Variants in NPAS1 observed in about 807,000 individuals in gnomAD.
NPAS1 encodes neuronal PAS domain protein 1.
A neutral mutation model predicts 49.2 loss-of-function variants in NPAS1; 29 were observed. The observed-to-expected ratio is 0.59, with a 90% CI of 0.44 to 0.80. NPAS1 has a LOEUF of 0.80. NPAS1 is among the 30% of genes least tolerant of loss of function. The pLI, the probability that NPAS1 is intolerant of heterozygous loss-of-function variation, is 0.00. For synonymous variants in NPAS1, 408 were observed against 380.4 expected (o/e 1.07, Z -0.84); for missense variants, 825 against 835.5 (o/e 0.99, Z 0.15).
chr19:47,025,076 G>T (rs533732716), intron 3 of NPAS1, among the ~76,000 whole-genome samples: 1 of 135,534 alleles, frequency 7.4e-6, no homozygotes. Context: ...GATTGCAGGC[G>T]TGAGGCGCCG....
intron 11 of NPAS1, among the ~76,000 whole-genome samples, chr19:47,043,405 A>T (rs1283887417): frequency 2.0e-5 from 3 of 151,770 alleles, no homozygotes. Flanking sequence ...CTGGCTAATA[A>T]GGTGAAACCC....
intron 3 of NPAS1, among the ~76,000 whole-genome samples, chr19:47,031,193 GTTT>G (rs780068160): frequency 2.1e-5 from 3 of 142,514 alleles, no homozygotes; most frequent in Non-Finnish European, 1.5e-5. Context: ...GTGTGTGTGT[GTTT>G]TTTTTTTTTT....
intron 3 of NPAS1, among the ~76,000 whole-genome samples, chr19:47,030,253 A>C (rs1019786987): frequency 6.6e-6 from 1 of 151,840 alleles, no homozygotes; most frequent in Non-Finnish European, 1.5e-5. Context: ...CAAACTCCTG[A>C]CCTTGTGATC....
rs139868234 is a variant in NPAS1, at chr19:47,042,888, G to C, written c.1296G>C (p.Pro432=). The change falls in exon 11 of 12, where the codon CCG becomes CCC. Residue 432 remains proline (P), a synonymous_variant. Coordinates refer to ENST00000602212, the MANE Select transcript of NPAS1 (RefSeq NM_002517.4). ...ASVACEEASS[P]GPEPTEPEPP... ...TGGCCTGTGAGGAGGCATCCAGCCC[G>C]GGGCCAGAGCCCACAGGTGAGCCCC... The C allele has an allele frequency of 2.5e-6, 4 of 1,601,010 alleles. No homozygotes were observed. In the African/African-American group the frequency reaches 5.4e-5, roughly 22 times the overall value.
chr19:47,036,607 C>CA (rs2056958991), intron 6 of NPAS1, among the ~76,000 whole-genome samples: 1 of 150,916 alleles, frequency 6.6e-6, no homozygotes, highest in African/African-American at 2.4e-5. Flanking sequence ...AGTGGTGGCA[C>CA]AAAGCTGTAG....
intron 6 of NPAS1, among the ~76,000 whole-genome samples, chr19:47,037,246 G>A (rs1458368013): frequency 6.9e-6 from 1 of 144,832 alleles, no homozygotes; most frequent in African/African-American, 2.6e-5. Context: ...AGATACTCAG[G>A]ATGCTGAGGC....
At chr19:47,039,264 G>C in intron 7 of NPAS1, 113 bp downstream of exon 7, 1 of 1,464,828 alleles carries the variant, frequency 6.8e-7, no homozygotes, top group Non-Finnish European at 9.3e-7. Flanking sequence ...TAGGGAACTG[G>C]GTCTGGGAAT....
At chr19:47,043,034 C>T (rs2057038553) in intron 11 of NPAS1, 130 bp downstream of exon 11, 11 of 627,656 alleles carry the variant, frequency 1.8e-5, no homozygotes, top group Non-Finnish European at 2.7e-5. Flanking sequence ...CAGGCCGGTG[C>T]GGTGGCTCAC....
intron 6 of NPAS1, among the ~76,000 whole-genome samples, chr19:47,038,745 T>G (rs944211605): frequency 1.3e-5 from 2 of 152,052 alleles, no homozygotes; most frequent in Admixed American, 1.3e-4. Flanking sequence ...AAGAATCACT[T>G]GAACCCAGGA....
rs201933015 is a variant in NPAS1 at position 47,032,357 on chromosome 19, T to C, written c.432+6T>C. On this transcript the variant is annotated splice_donor_region_variant and intron_variant, in intron 4 of 11. Coordinates refer to ENST00000602212, the MANE Select transcript of NPAS1 (RefSeq NM_002517.4). ...TGGGAGGTCACATCTTGCAGGTGAG[T>C]GAGGCCCCTTCCCTGCCTGCCGCTC... is the stretch of plus-strand genomic sequence containing the variant. 6.2e-6 allele frequency: 10 copies of C among 1,613,668 alleles called. No individual in the cohort carries two copies. In the South Asian group the frequency reaches 1.1e-4, roughly 18 times the overall value.
intron 6 of NPAS1, 94 bp downstream of exon 6, chr19:47,036,223 C>A: frequency 7.7e-7 from 1 of 1,304,024 alleles, no homozygotes; most frequent in Non-Finnish European, 1.1e-6. Context: ...ATACAAATAG[C>A]AGTGAAGTTA....
intron 10 of NPAS1, among the ~76,000 whole-genome samples, chr19:47,041,619 C>T (rs1358008697): frequency 6.6e-6 from 1 of 152,112 alleles, no homozygotes; most frequent in East Asian, 1.9e-4. Context: ...GGCTCAGGGG[C>T]ACTGGGGAGT....
At chr19:47,035,087 G>T (rs1371579551) in intron 5 of NPAS1, among the ~76,000 whole-genome samples, 1 of 147,158 alleles carries the variant, frequency 6.8e-6, no homozygotes, top group East Asian at 2.0e-4. Flanking sequence ...AGGCCGAGGC[G>T]GGAGAATTGC....
intron 8 of NPAS1, 51 bp downstream of exon 8, chr19:47,039,615 T>G: frequency 2.0e-6 from 3 of 1,506,862 alleles, no homozygotes; most frequent in South Asian, 1.3e-5. Flanking sequence ...AATGGAGATC[T>G]GGGGGTACAT....
At position 47,039,406 on chromosome 19, in the gene NPAS1, G is replaced by T. The variant is rs1330128564; in HGVS notation, c.805-1G>T. ...CCTCCAACCATGCCCACCACCAGCA[G>T]GTCATCCACGTGACTGGGCGCCTTC... On this transcript the variant is annotated splice_acceptor_variant, in intron 7 of 11. Transcript: ENST00000602212. LOFTEE classifies it high-confidence loss of function. The T allele has an allele frequency of 6.2e-7, 1 of 1,611,732 alleles. No homozygotes were observed. The highest frequency in any genetic ancestry group is 8.5e-7 in the Non-Finnish European group (1 of 1,179,854).
At position 47,031,876 on chromosome 19, in the gene NPAS1, G is replaced by C. The variant is rs569894809; in HGVS notation, c.359-402G>C. Among the ~76,000 whole-genome samples, 9 of 152,250 alleles carry C rather than the reference G, an allele frequency of 5.9e-5. 1 individual carries two copies. In the East Asian group the frequency reaches 1.5e-3, roughly 26 times the overall value. On this transcript the variant is annotated intron_variant, in intron 3 of 11. Coordinates refer to ENST00000602212, the MANE Select transcript of NPAS1 (RefSeq NM_002517.4). ...TTTTATGGGATCCCTAAGCAGAGAT[G>C]TTAGTTTCTTGCTTGCTGTTCAACT...
chr19:47,038,817 T>C (rs1599915574), intron 6 of NPAS1, among the ~76,000 whole-genome samples: 1 of 151,676 alleles, frequency 6.6e-6, no homozygotes, highest in South Asian at 2.1e-4. Context: ...CAGAGTGATA[T>C]TCAGTCTCAA....
chr19:47,023,910 T>G (rs970184525), intron 3 of NPAS1, among the ~76,000 whole-genome samples: 2 of 151,846 alleles, frequency 1.3e-5, no homozygotes, highest in Non-Finnish European at 2.9e-5. Flanking sequence ...TTCGAGACCA[T>G]CCTGGCCAAC....
chr19:47,045,727 A>G lies in NPAS1; in HGVS notation c.*76A>G. The G allele has an allele frequency of 8.0e-7, 1 of 1,248,504 alleles. No homozygotes were observed. Among genetic ancestry groups the G allele is most frequent in the Non-Finnish European group, 1.1e-6 (1 of 948,550 alleles). The allele number at this position is 1,248,504 out of a possible 1,614,324, so 77.3% of individuals were successfully genotyped here. A position where few individuals can be genotyped will look rare whatever the true frequency, so the allele number is the denominator to read the frequency against. On this transcript the variant is annotated 3_prime_UTR_variant, in exon 12 of 12. Coordinates refer to ENST00000602212, the MANE Select transcript of NPAS1 (RefSeq NM_002517.4). ...GGACAGTAGGCCCGGCTCTGCCCGT[A>G]GCCCTGAGAATTAAACGCCGGCTCT...
Sources: allele counts gnomAD v4.1 joint callset (sites outside exome capture counted in the v4.1 genomes callset), GRCh38; gene constraint gnomAD v4.1.1; transcripts MANE v1.5; gene names NCBI Gene and HGNC (gene_info 2026-07-23, HGNC 2026-07-21).